The following HEATR5A variants were observed in gnomAD, a reference collection of about 807,000 sequenced individuals.
HEATR5A encodes HEAT repeat-containing protein 5A.
HEATR5A carries 178 observed loss-of-function variants against 218.8 expected under a neutral mutation model. The ratio of observed to expected loss-of-function variants is 0.81; its 90% confidence interval spans 0.72 to 0.92. The LOEUF (loss-of-function observed/expected upper bound fraction) is 0.92, where lower values mean the gene tolerates loss of function less well. Among genes scored for constraint, HEATR5A ranks in the 40% least tolerant of loss-of-function variants. HEATR5A has a pLI of 0.00. For synonymous variants in HEATR5A, 864 were observed against 871.6 expected (o/e 0.99, Z 0.15); for missense variants, 2,420 against 2,418.9 (o/e 1.00, Z -0.01).
At chr14:31,315,425 G>C (rs996156495) in intron 27 of HEATR5A, among the ~76,000 whole-genome samples, 6 of 152,130 alleles carry the variant, frequency 3.9e-5, no homozygotes, top group Non-Finnish European at 8.8e-5. Context: ...TTCTACGAAA[G>C]AGCATTAGAA....
chr14:31,308,876 A>T (rs1304138227), intron 29 of HEATR5A, 58 bp downstream of exon 29: 2 of 1,369,392 alleles, frequency 1.5e-6, no homozygotes. Context: ...CTCCATCTCA[A>T]AAAAAAAAAA....
chr14:31,341,346 C>T (rs1259243644), intron 21 of HEATR5A, among the ~76,000 whole-genome samples: 1 of 151,330 alleles, frequency 6.6e-6, no homozygotes, highest in South Asian at 2.1e-4. Context: ...TAAATATGTA[C>T]CCTTTTTTGA....
Position 31,327,950 on chromosome 14 carries a change from A to T in HEATR5A, c.3368-1608T>A, listed in dbSNP as rs7151851. The stretch of plus-strand genomic sequence containing the variant: ...TGAAAGGTTATATTATTAGTAGACT[A>T]TTCTATTTATTTATTGTTTTGGAGA... On this transcript the variant is annotated intron_variant, in intron 22 of 35. Transcript: ENST00000543095. Among the ~76,000 whole-genome samples, 1,352 of 152,142 alleles carry T rather than the reference A, an allele frequency of 8.9e-3. 14 individuals carry two copies. Among genetic ancestry groups the T allele is most frequent in the African/African-American group, 0.031 (1,279 of 41,524 alleles).
rs570217570 is a variant in HEATR5A at position 31,331,713 on chromosome 14, T to TC, written c.3368-5372_3368-5371insG. On this transcript the variant is annotated intron_variant, in intron 22 of 35. Coordinates refer to ENST00000543095, the MANE Select transcript of HEATR5A (RefSeq NM_015473.4). ...TTAATTGACTCACAATTCTGCATTG[T>TC]TAGGGAGGCCTCAGGAAACTTACAA... is the stretch of plus-strand genomic sequence containing the variant. Among the ~76,000 whole-genome samples, 52 of 152,298 alleles carry TC rather than the reference T, an allele frequency of 3.4e-4. 3 individuals carry two copies. The East Asian group carries it at 9.5e-3, about 28-fold the overall frequency.
intron 22 of HEATR5A, among the ~76,000 whole-genome samples, chr14:31,328,484 T>C (rs548596882): frequency 1.3e-5 from 2 of 152,272 alleles, no homozygotes; most frequent in Admixed American, 6.5e-5. Context: ...CAAATCAATA[T>C]TGATTTTCTT....
chr14:31,404,186 T>C (rs1037326900), intron 1 of HEATR5A, among the ~76,000 whole-genome samples: 9 of 152,152 alleles, frequency 5.9e-5, no homozygotes, highest in East Asian at 1.9e-4. Flanking sequence ...TTAAAGAACA[T>C]AGAAGGTACC....
At chr14:31,400,844 GT>G (rs11338934) in intron 2 of HEATR5A, among the ~76,000 whole-genome samples, 130,687 of 137,986 alleles carry the variant, frequency 0.95, 61,964 homozygotes, top group East Asian at 0.99. Flanking sequence ...TATTATTATT[GT>G]TTTTTTTTTT....
chr14:31,302,561 A>G (rs1356645236), intron 32 of HEATR5A, 42 bp from the exon 33 acceptor site: 2 of 1,282,702 alleles, frequency 1.6e-6, no homozygotes, highest in Non-Finnish European at 2.2e-6. Context: ...ATTTCAACCT[A>G]TATATATGGT....
At chr14:31,357,733 A>T (rs759815715) in intron 16 of HEATR5A, among the ~76,000 whole-genome samples, 3 of 152,228 alleles carry the variant, frequency 2.0e-5, no homozygotes, top group Non-Finnish European at 4.4e-5. Context: ...TAAGATGGAA[A>T]TCCCTACATA....
Position 31,381,806 on chromosome 14 carries a change from T to A in HEATR5A, c.1597-1228A>T, listed in dbSNP as rs796985185. Among the ~76,000 whole-genome samples the A allele has an allele frequency of 3.3e-5, 5 of 152,100 alleles. 1 individual carries two copies. The highest frequency in any genetic ancestry group is 1.2e-4 in the African/African-American group (5 of 41,506). On this transcript the variant is annotated intron_variant, in intron 10 of 35. Transcript: ENST00000543095. ...GTTTCAAAAAAAGGGGTCCATGTTA[T>A]AAAACAACAGAGAAGAAAAACAGGA...
chr14:31,405,353 G>C (rs1175466182), intron 1 of HEATR5A, among the ~76,000 whole-genome samples: 1 of 152,084 alleles, frequency 6.6e-6, no homozygotes, highest in Non-Finnish European at 1.5e-5. Context: ...AGTATCGCTC[G>C]AGCCCTGAAG....
intron 34 of HEATR5A, among the ~76,000 whole-genome samples, chr14:31,295,149 C>T (rs993323137): frequency 2.0e-5 from 3 of 152,086 alleles, no homozygotes; most frequent in African/African-American, 7.2e-5. Flanking sequence ...GGACATTACT[C>T]AAGCAAATGA....
chr14:31,409,657 G>A (rs775385603), intron 1 of HEATR5A, among the ~76,000 whole-genome samples: 18 of 152,080 alleles, frequency 1.2e-4, no homozygotes, highest in African/African-American at 2.4e-4. Context: ...CCAAGATCGC[G>A]CCACTGCACT....
In HEATR5A at chr14:31,383,501, A is replaced by T; in HGVS notation, c.1596+20T>A. 6.2e-7 allele frequency: 1 copy of T among 1,600,762 alleles called. No homozygotes were observed. Among genetic ancestry groups the T allele is most frequent in the East Asian group, 2.2e-5 (1 of 44,656 alleles). On this transcript the variant is annotated intron_variant, in intron 10 of 35. Coordinates refer to ENST00000543095, the MANE Select transcript of HEATR5A (RefSeq NM_015473.4). ...AACAAAAAGCACCTCATTATCATAC[A>T]TAGAGAATGAAATCATTACCTTGCC...
chr14:31,340,069 T>G (rs1487451135), intron 21 of HEATR5A, among the ~76,000 whole-genome samples: 1 of 152,176 alleles, frequency 6.6e-6, no homozygotes, highest in Non-Finnish European at 1.5e-5. Flanking sequence ...AATGGGAGGC[T>G]TAATGTCTCC....
At chr14:31,377,084 A>G (rs1442544850) in intron 11 of HEATR5A, among the ~76,000 whole-genome samples, 1 of 150,102 alleles carries the variant, frequency 6.7e-6, no homozygotes, top group Non-Finnish European at 1.5e-5. Context: ...TGATGGTGCC[A>G]CTGTACTCCA....
intron 22 of HEATR5A, among the ~76,000 whole-genome samples, chr14:31,333,268 A>G (rs1473934864): frequency 6.6e-6 from 1 of 151,956 alleles, no homozygotes; most frequent in Non-Finnish European, 1.5e-5. Flanking sequence ...CCTTTTTTTG[A>G]GACTGAGTCT....
At chr14:31,416,805 A>C (rs948506327) in intron 1 of HEATR5A, among the ~76,000 whole-genome samples, 4 of 152,152 alleles carry the variant, frequency 2.6e-5, no homozygotes, top group African/African-American at 9.7e-5. Context: ...ATTCCTGTTT[A>C]AAAAACTCTT....
At chr14:31,357,491 A>T (rs535940463) in intron 16 of HEATR5A, among the ~76,000 whole-genome samples, 11 of 152,034 alleles carry the variant, frequency 7.2e-5, no homozygotes, top group African/African-American at 2.4e-4. Context: ...GTAAACTATT[A>T]TTAGCCACAA....
Sources: allele counts gnomAD v4.1 joint callset (sites outside exome capture counted in the v4.1 genomes callset), GRCh38; gene constraint gnomAD v4.1.1; transcripts MANE v1.5; gene names NCBI Gene and HGNC (gene_info 2026-07-23, HGNC 2026-07-21).